CDH17: variants seen among roughly 807,000 people sequenced by gnomAD.
The protein encoded by CDH17 is cadherin-17.
Under a neutral mutation model 86.3 loss-of-function variants are expected in CDH17, and 67 were observed. That is an observed-to-expected ratio of 0.78 (90% confidence interval 0.64 to 0.95). CDH17 has a LOEUF of 0.95. Ranked by LOEUF, CDH17 falls within the 40% of genes least tolerant of loss-of-function variation. The pLI, the probability that CDH17 is intolerant of heterozygous loss-of-function variation, is 0.00. For missense variants in CDH17, 993 were observed against 1,017.6 expected, an observed-to-expected ratio of 0.98 and a Z score of 0.33; for synonymous variants, 367 against 366.4, an observed-to-expected ratio of 1.00 and a Z score of -0.02.
At position 94,200,532 on chromosome 8, in the gene CDH17, C is replaced by CTTTTTTTT. The variant is rs1387182561; in HGVS notation, c.-20-5828_-20-5827insAAAAAAAA. 2.2e-4 allele frequency among the ~76,000 whole-genome samples: 11 copies of CTTTTTTTT among 50,236 alleles called. 2 individuals carry two copies. The highest frequency in any genetic ancestry group is 7.0e-4 in the African/African-American group (9 of 12,800). 33.0% of individuals were successfully genotyped at this position (50,236 alleles called of 152,430 possible). On this transcript the variant is annotated intron_variant, in intron 1 of 17. Transcript: ENST00000027335. ...TAGATCAGAGGGTTATTATTATTAT[C>CTTTTTTTT]TTTTGTTTTTTTTTTTTTTTTTTTT...
chr8:94,152,155 C>T (rs1812868959), intron 12 of CDH17, 43 bp from the exon 13 acceptor site: 1 of 1,604,502 alleles, frequency 6.2e-7, no homozygotes, highest in Non-Finnish European at 8.5e-7. Context: ...GGGTGATTAG[C>T]TCCCTTAAAA....
At chr8:94,139,468 T>A (rs1158198182) in intron 15 of CDH17, among the ~76,000 whole-genome samples, 1 of 152,086 alleles carries the variant, frequency 6.6e-6, no homozygotes, top group Non-Finnish European at 1.5e-5. Flanking sequence ...TCCAAGATGA[T>A]CATCAAACTT....
chr8:94,146,285 C>T (rs1322780177), intron 14 of CDH17, 118 bp from the exon 15 acceptor site: 2 of 905,518 alleles, frequency 2.2e-6, no homozygotes, highest in Non-Finnish European at 3.1e-6. Context: ...AGAAAGACGA[C>T]AAGCTTTTAG....
intron 2 of CDH17, among the ~76,000 whole-genome samples, chr8:94,189,896 T>C (rs554441891): frequency 3.9e-5 from 6 of 152,346 alleles, no homozygotes; most frequent in Middle Eastern, 3.4e-3. Flanking sequence ...GATTAGCTCT[T>C]TACATTCATT....
chr8:94,188,322 G>T (rs1813621183), intron 3 of CDH17, among the ~76,000 whole-genome samples: 1 of 151,644 alleles, frequency 6.6e-6, no homozygotes, highest in South Asian at 2.1e-4. Context: ...TTGATTCTTT[G>T]TTGGTTGAAT....
At chr8:94,134,380 T>G (rs961415598) in intron 15 of CDH17, among the ~76,000 whole-genome samples, 5 of 152,204 alleles carry the variant, frequency 3.3e-5, no homozygotes, top group Admixed American at 2.0e-4. Context: ...GGTTCAGTCT[T>G]GGGAAGGGTG....
At chr8:94,193,580 C>T (rs1388893775) in intron 2 of CDH17, among the ~76,000 whole-genome samples, 2 of 152,084 alleles carry the variant, frequency 1.3e-5, no homozygotes, top group African/African-American at 4.8e-5. Flanking sequence ...GTGGAGGCAC[C>T]GAGTTTGAAT....
At chr8:94,131,451 A>G (rs1352780405) in intron 15 of CDH17, among the ~76,000 whole-genome samples, 1 of 152,224 alleles carries the variant, frequency 6.6e-6, no homozygotes, top group East Asian at 1.9e-4. Context: ...ACTCACATCT[A>G]ACAGCACTAG....
chr8:94,162,292 T>C, intron 10 of CDH17, 130 bp from the exon 11 acceptor site: 1 of 658,378 alleles, frequency 1.5e-6, no homozygotes, highest in East Asian at 2.8e-5. Flanking sequence ...ACATGCAATT[T>C]GTGCAGAGAG....
upstream of CDH17, among the ~76,000 whole-genome samples, chr8:94,208,927 T>C (rs1814079900): frequency 3.3e-5 from 5 of 152,306 alleles, no homozygotes; most frequent in East Asian, 9.6e-4. Flanking sequence ...TCAGCAAATA[T>C]TTATGTAGAT....
chr8:94,178,117 C>A (rs1455620454), intron 3 of CDH17, among the ~76,000 whole-genome samples: 1 of 152,098 alleles, frequency 6.6e-6, no homozygotes, highest in Non-Finnish European at 1.5e-5. Context: ...TTAATAGACA[C>A]GTTAATGTTA....
At chr8:94,163,928 C>G (rs901905329) in intron 10 of CDH17, among the ~76,000 whole-genome samples, 2 of 152,136 alleles carry the variant, frequency 1.3e-5, no homozygotes, top group African/African-American at 4.8e-5. Flanking sequence ...GGGTAAAAGG[C>G]CTTCCCTGGT....
chr8:94,185,714 C>T (rs1258410829), intron 3 of CDH17, among the ~76,000 whole-genome samples: 1 of 152,048 alleles, frequency 6.6e-6, no homozygotes, highest in Non-Finnish European at 1.5e-5. Context: ...AAAAACTATG[C>T]CAATTTTTTT....
chr8:94,180,227 TAATA>T (rs1813451928), intron 3 of CDH17, among the ~76,000 whole-genome samples: 1 of 151,760 alleles, frequency 6.6e-6, no homozygotes, highest in Non-Finnish European at 1.5e-5. Context: ...GAAAATAGAT[TAATA>T]GAGATTACTG....
chr8:94,159,178 G>A (rs926036819), intron 12 of CDH17, among the ~76,000 whole-genome samples: 1 of 152,120 alleles, frequency 6.6e-6, no homozygotes, highest in African/African-American at 2.4e-5. Flanking sequence ...AAAGAGTCAA[G>A]ATTCAGGTAT....
At chr8:94,208,008 G>GACAAA (rs1814062302) in intron 1 of CDH17, among the ~76,000 whole-genome samples, 1 of 152,118 alleles carries the variant, frequency 6.6e-6, no homozygotes, top group Non-Finnish European at 1.5e-5. Flanking sequence ...CTCCCTTGCT[G>GACAAA]TGTCCTAGAC....
At chr8:94,208,725 A>G (rs1038177392), upstream of CDH17, 1 of 152,116 alleles carries the variant, frequency 6.6e-6, no homozygotes, top group Non-Finnish European at 1.5e-5. Flanking sequence ...CTTTGTATCA[A>G]AAGAAGTTTA....
chr8:94,200,470 G>T (rs575135536), intron 1 of CDH17, among the ~76,000 whole-genome samples: 3 of 142,298 alleles, frequency 2.1e-5, no homozygotes, highest in African/African-American at 7.8e-5. Context: ...AGTTACTACA[G>T]CAATTATTTG....
At chr8:94,211,064 G>C (rs143397870), upstream of CDH17, among the ~76,000 whole-genome samples, 337 of 151,044 alleles carry the variant, frequency 2.2e-3, no homozygotes, top group Middle Eastern at 0.031. Flanking sequence ...CAAGTGAAAG[G>C]ACTTGGGCTA....
Sources: gnomAD v4.1 joint callset for allele counts (sites outside exome capture counted in the v4.1 genomes callset) on GRCh38, gnomAD v4.1.1 for gene constraint, MANE v1.5 for transcripts, NCBI Gene and HGNC (gene_info 2026-07-23, HGNC 2026-07-21) for gene names.